Variants in MBOAT2 observed in about 807,000 individuals in gnomAD.
MBOAT2 encodes the protein membrane bound glycerophospholipid O-acyltransferase 2.
Under a neutral mutation model 63.4 loss-of-function variants are expected in MBOAT2, and 28 were observed. The observed-to-expected ratio is 0.44, with a 90% CI of 0.33 to 0.61. The LOEUF (loss-of-function observed/expected upper bound fraction) is 0.61, where lower values mean the gene tolerates loss of function less well. Among genes scored for constraint, MBOAT2 ranks in the 20% least tolerant of loss-of-function variants. The probability of loss-of-function intolerance (pLI) is 0.03; values close to 1 mark genes in which losing one functional copy is unlikely to be tolerated. For missense variants in MBOAT2, 470 were observed against 605.8 expected, an observed-to-expected ratio of 0.78 and a Z score of 2.35; for synonymous variants, 211 against 215.6, an observed-to-expected ratio of 0.98 and a Z score of 0.19.
rs1345764386 is a variant in MBOAT2, at chr2:8,877,179, T to G, written c.541A>C (p.Asn181His). 1 of 1,612,988 alleles carries G rather than the reference T, an allele frequency of 6.2e-7. No homozygotes were observed. The highest frequency in any genetic ancestry group is 1.7e-5 in the Admixed American group (1 of 59,696). Reference protein sequence around the residue: ...MPSLLEYLSYNCNFMGILAGP... With the variant: ...MPSLLEYLSYHCNFMGILAGP... The stretch of plus-strand genomic sequence containing the variant: ...GCCAGGATCCCCATGAAGTTACAGT[T>G]GTAACTCAAATACTCCAGTAAGCTT... Residue 181 changes from asparagine to histidine, a missense_variant, in exon 7 of 13, where the codon AAC (asparagine) becomes CAC (histidine). This residue lies in a region of MBOAT2 where 376 missense variants were observed against 503.8 expected (regional missense o/e 0.75). Transcript: ENST00000305997.
intron 3 of MBOAT2, among the ~76,000 whole-genome samples, chr2:8,942,162 T>C (rs946011212): frequency 2.0e-5 from 3 of 152,062 alleles, no homozygotes; most frequent in African/African-American, 7.3e-5. Flanking sequence ...GCAATGTCAA[T>C]GGAAATGGAG....
chr2:8,896,271 G>A (rs1037253519), intron 4 of MBOAT2, among the ~76,000 whole-genome samples: 6 of 150,224 alleles, frequency 4.0e-5, no homozygotes, highest in South Asian at 4.2e-4. Flanking sequence ...AGTTGTGAAA[G>A]GTGTTGTCTG....
Position 8,873,204 on chromosome 2 carries a change from G to T in MBOAT2, c.787C>A (p.His263Asn), listed in dbSNP as rs774317615. The change falls in exon 8 of 13, where the codon CAT becomes AAT. Residue 263 changes from histidine to asparagine, a missense_variant. His to Asn is a moderately conservative substitution (Grantham distance 68). Around this residue, in one of 3 missense-constraint regions of MBOAT2, gnomAD observed 376 missense variants for 503.8 expected, o/e 0.75. Coordinates refer to ENST00000305997, the MANE Select transcript of MBOAT2 (RefSeq NM_138799.4). ...TLPVEYNIDE[H>N]FQATASWPTK... ...GGCCACGAAGCTGTAGCTTGAAAAT[G>T]CTCATCAATGTTGTACTCCACAGGT... 6.2e-6 allele frequency: 10 copies of T among 1,614,152 alleles called. No individual in the cohort carries two copies. The Admixed American group carries it at 1.7e-4, about 27-fold the overall frequency.
In MBOAT2 at chr2:8,868,385, T is replaced by TATGAAAGC. The variant is rs1662054757; in HGVS notation, c.987+53_987+60dup. ...ACTCCTAGGACATCACACCATAACT[T>TATGAAAGC]ATGAAAGCAAACTATGGTACTTAAA... is the stretch of plus-strand genomic sequence containing the variant. On this transcript the variant is annotated intron_variant, in intron 9 of 12. Coordinates refer to ENST00000305997, the MANE Select transcript of MBOAT2 (RefSeq NM_138799.4). The TATGAAAGC allele has an allele frequency of 1.8e-5, 25 of 1,427,470 alleles. No individual in the cohort carries two copies. The South Asian group carries it at 2.9e-4, about 17-fold the overall frequency. 88.4% of individuals were successfully genotyped at this position (1,427,470 alleles called of 1,614,324 possible).
chr2:8,929,962 T>G (rs1455311243), intron 3 of MBOAT2, among the ~76,000 whole-genome samples: 1 of 152,172 alleles, frequency 6.6e-6, no homozygotes, highest in East Asian at 1.9e-4. Flanking sequence ...AAAATTTTGT[T>G]GTAAGCTTCC....
chr2:8,942,631 T>C (rs551646395), intron 3 of MBOAT2, among the ~76,000 whole-genome samples: 2 of 152,342 alleles, frequency 1.3e-5, no homozygotes, highest in South Asian at 2.1e-4. Context: ...TGCCACCTTC[T>C]ACATGCTCCC....
chr2:8,967,824 T>C (rs1006656733), intron 1 of MBOAT2, among the ~76,000 whole-genome samples: 1 of 152,058 alleles, frequency 6.6e-6, no homozygotes, highest in African/African-American at 2.4e-5. Context: ...TAAAAAAAAT[T>C]AGATACAACT....
intron 1 of MBOAT2, among the ~76,000 whole-genome samples, chr2:8,976,165 C>G (rs1670802261): frequency 6.6e-6 from 1 of 152,038 alleles, no homozygotes; most frequent in Non-Finnish European, 1.5e-5. Flanking sequence ...GACCATCATA[C>G]AAACCAAAAA....
At chr2:8,928,976 G>C (rs940470866) in intron 3 of MBOAT2, among the ~76,000 whole-genome samples, 3 of 152,172 alleles carry the variant, frequency 2.0e-5, no homozygotes, top group African/African-American at 7.2e-5. Context: ...GTAAATGACA[G>C]CAATTTAGAG....
intron 1 of MBOAT2, among the ~76,000 whole-genome samples, chr2:8,986,870 A>C (rs1045013997): frequency 2.0e-5 from 3 of 152,204 alleles, no homozygotes; most frequent in African/African-American, 7.2e-5. Context: ...GCTGTCTGCA[A>C]GGCAGGAAGA....
intron 1 of MBOAT2, among the ~76,000 whole-genome samples, chr2:8,978,416 A>C (rs1228643122): frequency 6.6e-6 from 1 of 152,182 alleles, no homozygotes; most frequent in African/African-American, 2.4e-5. Context: ...TCATTATATA[A>C]AATGATCTTG....
intron 3 of MBOAT2, among the ~76,000 whole-genome samples, chr2:8,938,903 C>T (rs944911681): frequency 1.3e-5 from 2 of 152,218 alleles, no homozygotes; most frequent in Non-Finnish European, 2.9e-5. Context: ...TACCATGCCC[C>T]CCAGGAATCT....
intron 4 of MBOAT2, among the ~76,000 whole-genome samples, chr2:8,906,052 G>A (rs1052118148): frequency 2.2e-4 from 34 of 152,278 alleles, no homozygotes; most frequent in African/African-American, 8.2e-4. Context: ...CTGCCCCCAG[G>A]GCTCAAGCAA....
At chr2:8,920,179 T>C (rs1446385197) in intron 3 of MBOAT2, among the ~76,000 whole-genome samples, 2 of 152,202 alleles carry the variant, frequency 1.3e-5, no homozygotes, top group Non-Finnish European at 2.9e-5. Flanking sequence ...TAGGTTTAGC[T>C]GCTACATTGA....
chr2:8,940,440 C>T (rs1667971215), intron 3 of MBOAT2, among the ~76,000 whole-genome samples: 1 of 152,068 alleles, frequency 6.6e-6, no homozygotes, highest in Non-Finnish European at 1.5e-5. Flanking sequence ...TACAGGCATG[C>T]ACCACCACGC....
chr2:8,855,035 T>C lies in MBOAT2; in HGVS notation c.*3644A>G, dbSNP rs764944700. 5.3e-5 allele frequency: 8 copies of C among 152,202 alleles called. No homozygotes were observed. The highest frequency in any genetic ancestry group is 1.2e-4 in the Non-Finnish European group (8 of 68,032). The allele number at this position is 152,202 out of a possible 1,614,324, so 9.4% of individuals were successfully genotyped here. On this transcript the variant is annotated 3_prime_UTR_variant, in exon 13 of 13. Coordinates refer to ENST00000305997, the MANE Select transcript of MBOAT2 (RefSeq NM_138799.4). ...TTTTCTTCAGCAGAGACTATTTCAT[T>C]ATGAAACACTCATTGTAAGAGCTAT...
chr2:8,874,200 T>C (rs1292393055), intron 7 of MBOAT2, among the ~76,000 whole-genome samples: 1 of 152,208 alleles, frequency 6.6e-6, no homozygotes, highest in Non-Finnish European at 1.5e-5. Flanking sequence ...AGCCAAAGCA[T>C]ATGCCGGATG....
At chr2:8,956,571 T>TA (rs1402839938) in intron 2 of MBOAT2, among the ~76,000 whole-genome samples, 2 of 152,184 alleles carry the variant, frequency 1.3e-5, no homozygotes, top group East Asian at 1.9e-4. Context: ...CACACACCTG[T>TA]AATCCCAGCT....
At chr2:8,971,194 A>G (rs1284363560) in intron 1 of MBOAT2, among the ~76,000 whole-genome samples, 1 of 152,268 alleles carries the variant, frequency 6.6e-6, no homozygotes, top group African/African-American at 2.4e-5. Context: ...CAACCCTGGG[A>G]TGCAAGGCTG....
Sources: gnomAD v4.1 joint callset for allele counts (sites outside exome capture counted in the v4.1 genomes callset) on GRCh38, gnomAD v4.1.1 for gene constraint, gnomAD v4.1.1 regional missense constraint, MANE v1.5 for transcripts, NCBI Gene and HGNC (gene_info 2026-07-23, HGNC 2026-07-21) for gene names.